The following RSPH14 variants were observed in gnomAD, a reference collection of about 807,000 sequenced individuals.
The protein encoded by RSPH14 is radial spoke head 14 homolog.
A neutral mutation model predicts 26.7 loss-of-function variants in RSPH14; 20 were observed. The ratio of observed to expected loss-of-function variants is 0.75; its 90% CI spans 0.53 to 1.09. The LOEUF is 1.09. Ranked by LOEUF, RSPH14 falls within the 50% of genes least tolerant of loss-of-function variation. The probability of loss-of-function intolerance (pLI) is 0.00; values close to 1 mark genes in which losing one functional copy is unlikely to be tolerated. For missense variants in RSPH14, 449 were observed against 457.2 expected (o/e 0.98, Z 0.16); for synonymous variants, 177 against 189.3 (o/e 0.93, Z 0.53).
At chr22:23,105,788 G>A (rs1349282589) in intron 4 of RSPH14, among the ~76,000 whole-genome samples, 1 of 152,214 alleles carries the variant, frequency 6.6e-6, no homozygotes, top group Non-Finnish European at 1.5e-5. Flanking sequence ...CAGGGGTGCA[G>A]GTTACTTAAA....
At chr22:23,096,173 C>T in intron 4 of RSPH14, 1 of 1,613,334 alleles carries the variant, frequency 6.2e-7, no homozygotes, top group Non-Finnish European at 8.5e-7. Flanking sequence ...CCTGAACGAC[C>T]TGGAGCGCAT....
At chr22:23,162,822 C>T in the RSPH14 span, 1 of 442,762 alleles carries the variant, frequency 2.3e-6, no homozygotes, top group Non-Finnish European at 4.6e-6. Flanking sequence ...TTCAGCTCAG[C>T]GATTGCCAAA....
intron 4 of RSPH14, among the ~76,000 whole-genome samples, chr22:23,067,118 G>A (rs1028254512): frequency 6.6e-6 from 1 of 152,190 alleles, no homozygotes; most frequent in East Asian, 1.9e-4. Flanking sequence ...GTAGGGGCTA[G>A]GATGGGTTCA....
chr22:23,167,251 G>A, the RSPH14 span, among the ~76,000 whole-genome samples: 1 of 152,078 alleles, frequency 6.6e-6, no homozygotes, highest in Non-Finnish European at 1.5e-5. Flanking sequence ...GAGTTTATTC[G>A]CATGGCCCCA....
chr22:23,079,890 T>A (rs2068627072), intron 4 of RSPH14, among the ~76,000 whole-genome samples: 1 of 151,954 alleles, frequency 6.6e-6, no homozygotes, highest in South Asian at 2.1e-4. Context: ...TGCCCCTAGG[T>A]CCCCAAGGTA....
chr22:23,078,758 G>A (rs1264178748), intron 4 of RSPH14, among the ~76,000 whole-genome samples: 2 of 152,234 alleles, frequency 1.3e-5, no homozygotes, highest in Admixed American at 6.5e-5. Context: ...GGGCTGAGGG[G>A]CCATGCAATG....
chr22:23,170,664 C>T, the RSPH14 span, among the ~76,000 whole-genome samples: 6 of 151,788 alleles, frequency 4.0e-5, no homozygotes, highest in Admixed American at 3.9e-4. Context: ...ACCCAGGAGG[C>T]GGAGGTTGCA....
upstream of RSPH14, among the ~76,000 whole-genome samples, chr22:23,148,098 TGAG>T (rs748056492): frequency 1.3e-5 from 2 of 152,018 alleles, no homozygotes; most frequent in African/African-American, 4.8e-5. Flanking sequence ...GCCAGGCTGG[TGAG>T]GAGGAGGTGA....
At chr22:23,095,608 C>G in intron 4 of RSPH14, 2 of 1,455,054 alleles carry the variant, frequency 1.4e-6, no homozygotes, top group Non-Finnish European at 1.8e-6. Flanking sequence ...CAGCTGGGCT[C>G]TTGTCTGCCT....
intron 4 of RSPH14, among the ~76,000 whole-genome samples, chr22:23,081,646 AC>A (rs1264952148): frequency 5.9e-5 from 9 of 151,816 alleles, no homozygotes; most frequent in African/African-American, 2.2e-4. Context: ...ACATGGCAAA[AC>A]CCTGTCTCTA....
chr22:23,177,946 C>T, the RSPH14 span, among the ~76,000 whole-genome samples: 2 of 152,128 alleles, frequency 1.3e-5, no homozygotes, highest in African/African-American at 4.8e-5. Context: ...ACTACAGGCA[C>T]GAGGCACCAT....
chr22:23,178,849 G>A, the RSPH14 span, among the ~76,000 whole-genome samples: 8 of 152,228 alleles, frequency 5.3e-5, no homozygotes, highest in African/African-American at 1.9e-4. Context: ...TGGAAGACAG[G>A]ACAGCTCAGA....
chr22:23,176,129 G>A, the RSPH14 span, among the ~76,000 whole-genome samples: 5 of 152,206 alleles, frequency 3.3e-5, no homozygotes, highest in Non-Finnish European at 4.4e-5. Flanking sequence ...GTCACCCTCT[G>A]CCTGATGCCT....
chr22:23,091,098 A>G (rs1231171352), intron 4 of RSPH14, among the ~76,000 whole-genome samples: 1 of 152,170 alleles, frequency 6.6e-6, no homozygotes, highest in Non-Finnish European at 1.5e-5. Context: ...ACCAGTACAC[A>G]TGCAGCTGCA....
At chr22:23,157,871 T>C in the RSPH14 span, 3 of 1,565,838 alleles carry the variant, frequency 1.9e-6, no homozygotes, top group Non-Finnish European at 2.6e-6. Flanking sequence ...GAGGTTCCGG[T>C]GCTGAGTGCC....
chr22:23,080,119 C>A (rs563295179), intron 4 of RSPH14, among the ~76,000 whole-genome samples: 1 of 151,442 alleles, frequency 6.6e-6, no homozygotes, highest in Non-Finnish European at 1.5e-5. Context: ...GGCCCCACTT[C>A]TTCTCTGCTG....
the RSPH14 span, among the ~76,000 whole-genome samples, chr22:23,168,330 A>G: frequency 6.6e-6 from 1 of 152,092 alleles, no homozygotes; most frequent in African/African-American, 2.4e-5. Flanking sequence ...CCAGGCTTGG[A>G]GGGGACTGCA....
intron 4 of RSPH14, among the ~76,000 whole-genome samples, chr22:23,110,075 G>A (rs989981949): frequency 1.1e-4 from 16 of 152,334 alleles, no homozygotes; most frequent in African/African-American, 3.8e-4. Flanking sequence ...TGGTCATCCA[G>A]CTCTGTCCCC....
At chr22:23,171,645 C>A in the RSPH14 span, among the ~76,000 whole-genome samples, 1 of 152,132 alleles carries the variant, frequency 6.6e-6, no homozygotes, top group Admixed American at 6.5e-5. Context: ...GAGTTTGAGA[C>A]CAGCCTGATC....
Sources: allele counts gnomAD v4.1 joint callset (sites outside exome capture counted in the v4.1 genomes callset), GRCh38; gene constraint gnomAD v4.1.1; transcripts MANE v1.5; gene names NCBI Gene and HGNC (gene_info 2026-07-23, HGNC 2026-07-21).